The following EFNA5 variants were observed in gnomAD, a reference collection of about 807,000 sequenced individuals.
EFNA5 encodes ephrin-A5.
In EFNA5, 5 loss-of-function variants were observed where a neutral mutation model predicts 22.9. The observed-to-expected ratio is 0.22, with a 90% CI of 0.11 to 0.46. The LOEUF is 0.46. EFNA5 is among the 20% of genes least tolerant of loss of function. The probability of loss-of-function intolerance (pLI) is 0.99; values close to 1 mark genes in which losing one functional copy is unlikely to be tolerated. For missense variants in EFNA5, 237 were observed against 293.3 expected, an observed-to-expected ratio of 0.81 and a Z score of 1.40; for synonymous variants, 113 against 112.2, an observed-to-expected ratio of 1.01 and a Z score of -0.04.
intron 1 of EFNA5, among the ~76,000 whole-genome samples, chr5:107,445,009 T>C (rs1332560087): frequency 6.6e-6 from 1 of 151,888 alleles, no homozygotes; most frequent in Non-Finnish European, 1.5e-5. Context: ...AGGACAAGAG[T>C]ATAAAGATTG....
In EFNA5 at chr5:107,444,990, GA is replaced by G. The variant is rs533154739; in HGVS notation, c.126-17482del. ...TTTAATATTAAGTGACATAAAAGCT[GA>G]TAATCATAGGACAAGAGTATAAAGA... On this transcript the variant is annotated intron_variant, in intron 1 of 4. Transcript: ENST00000333274. Among the ~76,000 whole-genome samples the G allele has an allele frequency of 1.1e-3, 173 of 152,232 alleles. 1 individual carries two copies. The highest frequency in any genetic ancestry group is 3.3e-3 in the African/African-American group (137 of 41,530).
At chr5:107,443,070 A>G (rs999750880) in intron 1 of EFNA5, among the ~76,000 whole-genome samples, 7 of 29,656 alleles carry the variant, frequency 2.4e-4, no homozygotes, top group Non-Finnish European at 4.7e-4. Context: ...CCCTGTCTGT[A>G]GATGAGCTCT....
chr5:107,569,547 GTATATATATATTTA>G (rs1561435915), intron 1 of EFNA5, among the ~76,000 whole-genome samples: 4 of 104,426 alleles, frequency 3.8e-5, no homozygotes, highest in East Asian at 5.5e-4. Flanking sequence ...ATATATGTGT[GTATATATATATTTA>G]TATATATATA....
At chr5:107,610,671 G>T (rs746722814) in intron 1 of EFNA5, among the ~76,000 whole-genome samples, 1 of 151,818 alleles carries the variant, frequency 6.6e-6, no homozygotes, top group Admixed American at 6.6e-5. Flanking sequence ...TTATTTTTCA[G>T]TGCATACAGT....
intron 1 of EFNA5, among the ~76,000 whole-genome samples, chr5:107,565,439 C>G (rs1212825508): frequency 1.3e-5 from 2 of 152,100 alleles, no homozygotes. Context: ...GGAATAAATA[C>G]TTGAGTAGTT....
At chr5:107,462,960 T>C (rs543746490) in intron 1 of EFNA5, among the ~76,000 whole-genome samples, 6 of 152,168 alleles carry the variant, frequency 3.9e-5, no homozygotes, top group African/African-American at 9.6e-5. Flanking sequence ...GGGCAGGAGA[T>C]GTGGGTTCTA....
intron 1 of EFNA5, among the ~76,000 whole-genome samples, chr5:107,620,337 A>G (rs1750008187): frequency 6.6e-6 from 1 of 152,248 alleles, no homozygotes; most frequent in African/African-American, 2.4e-5. Context: ...AAATTACCAA[A>G]TACTCTAACT....
intron 1 of EFNA5, among the ~76,000 whole-genome samples, chr5:107,633,183 T>C (rs895063841): frequency 7.9e-5 from 12 of 152,192 alleles, no homozygotes; most frequent in Non-Finnish European, 5.9e-5. Context: ...TTAATACCAA[T>C]GGGGTCAAGA....
chr5:107,449,142 C>T (rs1206262056), intron 1 of EFNA5, among the ~76,000 whole-genome samples: 2 of 152,068 alleles, frequency 1.3e-5, no homozygotes, highest in Admixed American at 1.3e-4. Context: ...TATTTGGTGA[C>T]TGAATTATTT....
chr5:107,622,892 G>C (rs933947051), intron 1 of EFNA5, among the ~76,000 whole-genome samples: 6 of 151,036 alleles, frequency 4.0e-5, no homozygotes, highest in Non-Finnish European at 8.9e-5. Context: ...GCGGTGGCGG[G>C]CGCCTGTAGT....
intron 1 of EFNA5, among the ~76,000 whole-genome samples, chr5:107,515,362 T>TATTA (rs1554064400): frequency 1.4e-5 from 2 of 141,312 alleles, no homozygotes; most frequent in South Asian, 4.7e-4. Context: ...TATTTTTTAT[T>TATTA]TTATTATTAT....
At chr5:107,493,809 C>G (rs1746882049) in intron 1 of EFNA5, among the ~76,000 whole-genome samples, 1 of 152,108 alleles carries the variant, frequency 6.6e-6, no homozygotes, top group Non-Finnish European at 1.5e-5. Flanking sequence ...TGAACATTGG[C>G]ACAGTCTATC....
At chr5:107,490,916 T>G (rs983785638) in intron 1 of EFNA5, among the ~76,000 whole-genome samples, 1 of 152,224 alleles carries the variant, frequency 6.6e-6, no homozygotes, top group African/African-American at 2.4e-5. Context: ...CATTATATAT[T>G]TAAAAACAAG....
chr5:107,606,538 AACACACACACACACACACACACAC>A (rs58031827), intron 1 of EFNA5, among the ~76,000 whole-genome samples: 42 of 144,190 alleles, frequency 2.9e-4, no homozygotes, highest in African/African-American at 1.0e-3. Flanking sequence ...TTGCACGTAC[AACACACACACACACACACACACAC>A]ACACACACAC....
chr5:107,381,411 T>A, intron 4 of EFNA5, 35 bp from the exon 5 acceptor site: 1 of 1,580,522 alleles, frequency 6.3e-7, no homozygotes, highest in Non-Finnish European at 8.7e-7. Flanking sequence ...CCAATGAGAT[T>A]TCACATCCTT....
chr5:107,554,354 T>C (rs1748363424), intron 1 of EFNA5, among the ~76,000 whole-genome samples: 1 of 152,210 alleles, frequency 6.6e-6, no homozygotes, highest in Non-Finnish European at 1.5e-5. Flanking sequence ...TTCGAGCACC[T>C]TTTCTAGAAT....
intron 1 of EFNA5, among the ~76,000 whole-genome samples, chr5:107,595,312 T>A (rs34644687): frequency 0.23 from 35,049 of 152,012 alleles, 4,536 homozygotes; most frequent in Middle Eastern, 0.38. Context: ...AAGGAATTTC[T>A]CTGTACAAAT....
chr5:107,526,130 T>C (rs1747692107), intron 1 of EFNA5, among the ~76,000 whole-genome samples: 1 of 152,190 alleles, frequency 6.6e-6, no homozygotes, highest in Non-Finnish European at 1.5e-5. Flanking sequence ...TATCTATTAT[T>C]TTGTTTATCC....
chr5:107,456,935 T>A (rs982539544), intron 1 of EFNA5, among the ~76,000 whole-genome samples: 4 of 152,126 alleles, frequency 2.6e-5, no homozygotes, highest in Non-Finnish European at 5.9e-5. Flanking sequence ...TTAGCACAGT[T>A]GTTCTGCTAG....
Sources: gnomAD v4.1 joint callset for allele counts (sites outside exome capture counted in the v4.1 genomes callset) on GRCh38, gnomAD v4.1.1 for gene constraint, MANE v1.5 for transcripts, NCBI Gene and HGNC (gene_info 2026-07-23, HGNC 2026-07-21) for gene names.